DCLK1: variants seen among roughly 807,000 people sequenced by gnomAD.
DCLK1 encodes serine/threonine-protein kinase DCLK1.
In DCLK1, 16 loss-of-function variants were observed where a neutral mutation model predicts 86.2. That is an observed-to-expected ratio of 0.19 (90% CI 0.13 to 0.28). The LOEUF is 0.28. Ranked by LOEUF, DCLK1 falls within the 10% of genes least tolerant of loss-of-function variation. The pLI is 1.00. For synonymous variants in DCLK1, 369 were observed against 370.5 expected, an observed-to-expected ratio of 1.00 and a Z score of 0.05; for missense variants, 590 against 940.2, an observed-to-expected ratio of 0.63 and a Z score of 4.87.
rs1292699955 is a variant in DCLK1, at chr13:35,829,965, GC to G, written c.1230-1659del. Among the ~76,000 whole-genome samples, 3 of 152,224 alleles carry G rather than the reference GC, an allele frequency of 2.0e-5. 1 individual carries two copies. The highest frequency in any genetic ancestry group is 4.4e-5 in the Non-Finnish European group (3 of 68,044). ...GCAGAGAGGCCATGATGGGATGTGAGCCAGGCTGTGGCTAAATGCAGGGCTT... is the reference window on the plus strand; with the variant it reads ...GCAGAGAGGCCATGATGGGATGTGAGCAGGCTGTGGCTAAATGCAGGGCTT... On this transcript the variant is annotated intron_variant, in intron 8 of 16. Transcript: ENST00000360631.
At chr13:35,899,692 A>G (rs1874230431) in intron 4 of DCLK1, among the ~76,000 whole-genome samples, 1 of 152,198 alleles carries the variant, frequency 6.6e-6, no homozygotes, top group Non-Finnish European at 1.5e-5. Context: ...CTATCTTCAT[A>G]ATTTATCACT....
chr13:35,863,694 A>C (rs990040250), intron 5 of DCLK1, among the ~76,000 whole-genome samples: 1 of 152,332 alleles, frequency 6.6e-6, no homozygotes, highest in Admixed American at 6.5e-5. Flanking sequence ...TATAAGGCTG[A>C]ATTCTCTACA....
chr13:35,847,821 A>T, intron 6 of DCLK1: 2 of 985,126 alleles, frequency 2.0e-6, no homozygotes, highest in South Asian at 4.7e-5. Flanking sequence ...GCGCACAGGG[A>T]TGTATACAGA....
At chr13:35,845,938 GGTAA>G (rs1219710073) in intron 6 of DCLK1, 6 of 985,144 alleles carry the variant, frequency 6.1e-6, no homozygotes, top group South Asian at 4.7e-5. Flanking sequence ...ATTCTAAGGT[GGTAA>G]GTGTCACAAA....
chr13:36,004,408 C>T (rs962723127), intron 3 of DCLK1, among the ~76,000 whole-genome samples: 7 of 152,022 alleles, frequency 4.6e-5, no homozygotes, highest in Admixed American at 6.6e-5. Flanking sequence ...GGACCTGGCA[C>T]ATAGTGGGGG....
chr13:36,100,222 A>ACC, intron 3 of DCLK1, among the ~76,000 whole-genome samples: 1 of 143,736 alleles, frequency 7.0e-6, no homozygotes, highest in South Asian at 2.2e-4. Context: ...AACCACACAC[A>ACC]CACAAAATTA....
At chr13:35,932,094 C>T (rs1211165951) in intron 4 of DCLK1, among the ~76,000 whole-genome samples, 1 of 152,178 alleles carries the variant, frequency 6.6e-6, no homozygotes, top group African/African-American at 2.4e-5. Flanking sequence ...AATCAGTGGA[C>T]TCCATAAGGT....
intron 5 of DCLK1, among the ~76,000 whole-genome samples, chr13:35,868,276 C>T: frequency 6.6e-6 from 1 of 152,138 alleles, no homozygotes; most frequent in Non-Finnish European, 1.5e-5. Flanking sequence ...CTGCCTCAGC[C>T]TCCCAAAGTG....
intron 3 of DCLK1, among the ~76,000 whole-genome samples, chr13:36,076,039 T>C (rs1884201004): frequency 6.6e-6 from 1 of 152,100 alleles, no homozygotes; most frequent in African/African-American, 2.4e-5. Context: ...AAAATGCTAA[T>C]TTTGTCTTCT....
chr13:35,797,394 T>C (rs2086834088), intron 15 of DCLK1, among the ~76,000 whole-genome samples: 1 of 152,116 alleles, frequency 6.6e-6, no homozygotes, highest in African/African-American at 2.4e-5. Flanking sequence ...TGGATTTCCT[T>C]ATCATTTCCC....
At chr13:35,863,472 G>A (rs1778825538) in intron 5 of DCLK1, among the ~76,000 whole-genome samples, 1 of 152,214 alleles carries the variant, frequency 6.6e-6, no homozygotes, top group South Asian at 2.1e-4. Flanking sequence ...TAAAGGCTTT[G>A]AAGAGTATCT....
chr13:36,093,674 T>A (rs116581285), intron 3 of DCLK1, among the ~76,000 whole-genome samples: 109 of 152,290 alleles, frequency 7.2e-4, no homozygotes, highest in African/African-American at 2.5e-3. Context: ...GTCCTTTTTT[T>A]TTCTTTCAGG....
chr13:35,888,418 A>C (rs1873427050), intron 4 of DCLK1, among the ~76,000 whole-genome samples: 1 of 152,346 alleles, frequency 6.6e-6, no homozygotes, highest in South Asian at 2.1e-4. Flanking sequence ...TTATTAGGAG[A>C]AAGCAGACTT....
chr13:36,120,661 T>A (rs530383012), intron 2 of DCLK1, among the ~76,000 whole-genome samples: 1 of 108,082 alleles, frequency 9.3e-6, no homozygotes, highest in Non-Finnish European at 1.8e-5. Context: ...AGAAAAAAAA[T>A]TCTACAAGTT....
intron 3 of DCLK1, among the ~76,000 whole-genome samples, chr13:36,068,409 T>A (rs1883845473): frequency 6.6e-6 from 1 of 152,226 alleles, no homozygotes; most frequent in Non-Finnish European, 1.5e-5. Flanking sequence ...ATTCAGTGAA[T>A]ATAATCCTCT....
At chr13:36,034,210 T>C (rs770106382) in intron 3 of DCLK1, among the ~76,000 whole-genome samples, 47 of 152,168 alleles carry the variant, frequency 3.1e-4, no homozygotes, top group Non-Finnish European at 5.6e-4. Flanking sequence ...ATTAATGCAA[T>C]CATAAGGATT....
chr13:35,837,640 G>A (rs1284630393), intron 7 of DCLK1, among the ~76,000 whole-genome samples: 1 of 152,176 alleles, frequency 6.6e-6, no homozygotes, highest in Admixed American at 6.5e-5. Flanking sequence ...CTGCAGGTGG[G>A]AAATGGAAGA....
intron 6 of DCLK1, chr13:35,850,536 C>A (rs1870536905): frequency 8.0e-7 from 1 of 1,255,202 alleles, no homozygotes; most frequent in East Asian, 3.2e-5. Context: ...TTTTAAAAAT[C>A]TCTCAATTTC....
At chr13:36,002,840 C>T (rs773288076) in intron 3 of DCLK1, among the ~76,000 whole-genome samples, 6 of 152,214 alleles carry the variant, frequency 3.9e-5, no homozygotes, top group Admixed American at 1.3e-4. Flanking sequence ...TTATAAATTC[C>T]GAAGGAGCGA....
Sources: gnomAD v4.1 joint callset for allele counts (sites outside exome capture counted in the v4.1 genomes callset) on GRCh38, gnomAD v4.1.1 for gene constraint, MANE v1.5 for transcripts, NCBI Gene and HGNC (gene_info 2026-07-23, HGNC 2026-07-21) for gene names.